The following SRFBP1 variants were observed in gnomAD, a reference collection of about 807,000 sequenced individuals.
SRFBP1 encodes the protein serum response factor binding protein 1, also known as serum response factor-binding protein 1.
SRFBP1 carries 47 observed loss-of-function variants against 45.5 expected under a neutral mutation model. That is an observed-to-expected ratio of 1.03 (90% CI 0.82 to 1.32). The LOEUF (loss-of-function observed/expected upper bound fraction) is 1.32. Among genes scored for constraint, SRFBP1 ranks in the 40% most tolerant of loss-of-function variants. The probability of loss-of-function intolerance (pLI) is 0.00; values close to 1 mark genes in which losing one functional copy is unlikely to be tolerated. For synonymous variants in SRFBP1, 203 were observed against 166.3 expected, an observed-to-expected ratio of 1.22 and a Z score of -1.70; for missense variants, 621 against 484.6, an observed-to-expected ratio of 1.28 and a Z score of -2.64.
intron 4 of SRFBP1, among the ~76,000 whole-genome samples, chr5:122,013,447 G>A (rs944384325): frequency 6.6e-6 from 1 of 151,994 alleles, no homozygotes; most frequent in African/African-American, 2.4e-5. Flanking sequence ...CAACTCAGAA[G>A]TATGAAAGTT....
At chr5:122,012,538 T>C (rs1753117926) in intron 4 of SRFBP1, among the ~76,000 whole-genome samples, 2 of 152,090 alleles carry the variant, frequency 1.3e-5, no homozygotes, top group Non-Finnish European at 2.9e-5. Context: ...ATTAGAATAT[T>C]TTTTCTACTC....
At chr5:121,985,126 C>G (rs956649475) in intron 3 of SRFBP1, among the ~76,000 whole-genome samples, 1 of 151,714 alleles carries the variant, frequency 6.6e-6, no homozygotes, top group Non-Finnish European at 1.5e-5. Context: ...AGCTTAAAGT[C>G]TAATGAGAAA....
rs1281535966 is a variant in SRFBP1 at position 122,027,069 on chromosome 5, A to T, written c.1233A>T (p.Lys411Asn). 20 of 1,612,950 alleles carry T rather than the reference A, an allele frequency of 1.2e-5. No homozygotes were observed. Among genetic ancestry groups the T allele is most frequent in the Non-Finnish European group, 1.7e-5 (20 of 1,179,714 alleles). Residue 411 changes from lysine to asparagine, a missense_variant, in exon 8 of 8, where the codon AAA becomes AAT. Lys to Asn is a moderately conservative substitution (Grantham distance 94, BLOSUM62 0). Coordinates refer to ENST00000339397, the MANE Select transcript of SRFBP1 (RefSeq NM_152546.3). ...HPSWEASRRR[K>N]EQQSNIAVFQ... The stretch of plus-strand genomic sequence containing the variant: ...CATGGGAAGCAAGCAGAAGGCGAAA[A>T]GAACAGCAATCTAATATTGCTGTGT...
chr5:122,050,412 A>AT (rs1271016892), intron 2 of SRFBP1, among the ~76,000 whole-genome samples: 2 of 152,070 alleles, frequency 1.3e-5, no homozygotes, highest in Non-Finnish European at 2.9e-5. Context: ...TACTGATTTA[A>AT]TTTCAGAACT....
intron 2 of SRFBP1, among the ~76,000 whole-genome samples, chr5:122,038,705 T>C (rs1388155889): frequency 2.0e-5 from 3 of 152,172 alleles, no homozygotes; most frequent in Non-Finnish European, 4.4e-5. Flanking sequence ...GCTTGAAAAC[T>C]TTATTTAGGA....
chr5:122,007,151 G>A (rs1427495442), intron 4 of SRFBP1, among the ~76,000 whole-genome samples: 1 of 152,090 alleles, frequency 6.6e-6, no homozygotes, highest in East Asian at 1.9e-4. Flanking sequence ...GGGCATGCCG[G>A]CCTGGTGACC....
intron 3 of SRFBP1, among the ~76,000 whole-genome samples, chr5:121,987,990 A>G (rs529513669): frequency 2.9e-4 from 44 of 152,338 alleles, no homozygotes; most frequent in Non-Finnish European, 8.8e-5. Flanking sequence ...CCAAATAACC[A>G]AAATTGGGAT....
At chr5:122,074,211 C>A (rs778698143) in intron 2 of SRFBP1, 1 of 1,556,490 alleles carries the variant, frequency 6.4e-7, no homozygotes, top group East Asian at 2.3e-5. Context: ...CAGTTACATA[C>A]AGAGAAAGCA....
intron 3 of SRFBP1, among the ~76,000 whole-genome samples, chr5:121,975,703 T>G (rs1752290088): frequency 6.6e-6 from 1 of 152,004 alleles, no homozygotes; most frequent in Non-Finnish European, 1.5e-5. Flanking sequence ...ACGAAGTCAG[T>G]TCAAGAATTA....
rs573110718 is a variant in SRFBP1 at position 122,014,317 on chromosome 5, C to G, written c.271-4943C>G. Among the ~76,000 whole-genome samples the G allele has an allele frequency of 1.9e-4, 29 of 152,162 alleles. No homozygotes were observed. The East Asian group carries it at 4.8e-3, about 25-fold the overall frequency. ...TAGTATACATAATTCTACATAACTA[C>G]TCATTTTATATACCTACATACCCTG... On this transcript the variant is annotated intron_variant, in intron 4 of 7. Transcript: ENST00000339397.
At chr5:122,022,758 A>G (rs971586653) in intron 7 of SRFBP1, among the ~76,000 whole-genome samples, 10 of 152,244 alleles carry the variant, frequency 6.6e-5, no homozygotes, top group African/African-American at 2.2e-4. Flanking sequence ...TAACAAGTAT[A>G]TTACTTTCTT....
intron 3 of SRFBP1, among the ~76,000 whole-genome samples, chr5:121,982,318 C>G (rs540218754): frequency 2.6e-5 from 4 of 151,912 alleles, no homozygotes; most frequent in African/African-American, 7.2e-5. Flanking sequence ...ATATAATGCT[C>G]TCCTCACACT....
At chr5:121,981,319 G>A (rs1267527290) in intron 3 of SRFBP1, among the ~76,000 whole-genome samples, 1 of 152,004 alleles carries the variant, frequency 6.6e-6, no homozygotes, top group East Asian at 1.9e-4. Context: ...ACTCTTTCAA[G>A]AAGGGAATGA....
rs1400739033 is a variant in SRFBP1, at chr5:122,046,818, T to C, written n.311+24411T>C. ...GCCAGTGATGATGAGCAGTTTTTCATGTGTCTTTTGGCTGCATAAATGTCT... is the reference window on the plus strand; with the variant it reads ...GCCAGTGATGATGAGCAGTTTTTCACGTGTCTTTTGGCTGCATAAATGTCT... On this transcript the variant is annotated intron_variant and non_coding_transcript_variant, in intron 2 of 2. Transcript: ENST00000504881. Among the ~76,000 whole-genome samples, 7 of 152,244 alleles carry C rather than the reference T, an allele frequency of 4.6e-5. No individual in the cohort carries two copies. The East Asian group carries it at 1.3e-3, about 29-fold the overall frequency.
intron 2 of SRFBP1, among the ~76,000 whole-genome samples, chr5:122,048,843 A>G (rs867440705): frequency 2.0e-5 from 3 of 152,078 alleles, no homozygotes; most frequent in South Asian, 2.1e-4. Context: ...AGAGGTGTTT[A>G]TAGTATTCTC....
intron 2 of SRFBP1, among the ~76,000 whole-genome samples, chr5:122,034,774 A>T (rs1201662002): frequency 6.9e-6 from 1 of 145,118 alleles, no homozygotes; most frequent in East Asian, 2.0e-4. Context: ...CAGATTTCTT[A>T]AAAAAAAAAA....
chr5:122,012,986 G>A (rs1227266085), intron 4 of SRFBP1, among the ~76,000 whole-genome samples: 2 of 152,022 alleles, frequency 1.3e-5, no homozygotes, highest in Non-Finnish European at 2.9e-5. Context: ...CCCTAGCTTT[G>A]TGACTTTAGT....
chr5:122,077,716 C>T, downstream of SRFBP1: 1 of 1,587,646 alleles, frequency 6.3e-7, no homozygotes, highest in East Asian at 2.3e-5. The surrounding 1 kb of genome is among the most constrained non-coding windows in gnomAD (Gnocchi z 4.9). Context: ...TCAGCAGGAT[C>T]GGAGTGCGGG....
At chr5:121,964,562 A>T (rs1580493495) in intron 1 of SRFBP1, among the ~76,000 whole-genome samples, 1 of 152,128 alleles carries the variant, frequency 6.6e-6, no homozygotes, top group African/African-American at 2.4e-5. Context: ...CATGGTGTAT[A>T]TGTGCCGCAT....
Sources: gnomAD v4.1 joint callset for allele counts (sites outside exome capture counted in the v4.1 genomes callset) on GRCh38, gnomAD v4.1.1 for gene constraint, Gnocchi (gnomAD v3.1) non-coding constraint, MANE v1.5 for transcripts, NCBI Gene and HGNC (gene_info 2026-07-23, HGNC 2026-07-21) for gene names.